The following DCC variants were observed in gnomAD, a reference collection of about 807,000 sequenced individuals.
DCC encodes netrin receptor DCC.
Under a neutral mutation model 172.5 loss-of-function variants are expected in DCC, and 58 were observed. The ratio of observed to expected loss-of-function variants is 0.34; its 90% CI spans 0.27 to 0.42. DCC has a LOEUF of 0.42. Ranked by LOEUF, DCC falls within the 10% of genes least tolerant of loss-of-function variation. DCC has a pLI of 1.00. For missense variants in DCC, 1,740 were observed against 1,791.0 expected (o/e 0.97, Z 0.51); for synonymous variants, 709 against 644.5 (o/e 1.10, Z -1.52).
chr18:52,621,145 C>A (rs1271937961), intron 1 of DCC, among the ~76,000 whole-genome samples: 1 of 152,232 alleles, frequency 6.6e-6, no homozygotes, highest in Admixed American at 6.5e-5. Context: ...TCAACATTAA[C>A]TACCACTGCT....
intron 5 of DCC, among the ~76,000 whole-genome samples, chr18:52,994,079 G>A (rs1268191203): frequency 6.6e-6 from 1 of 152,066 alleles, no homozygotes; most frequent in African/African-American, 2.4e-5. Flanking sequence ...GGTAAGAGTA[G>A]CCACTATGTC....
At chr18:53,189,658 A>T (rs2144508140) in intron 9 of DCC, among the ~76,000 whole-genome samples, 1 of 152,296 alleles carries the variant, frequency 6.6e-6, no homozygotes, top group Admixed American at 6.5e-5. Flanking sequence ...CTATGCTCTT[A>T]CCTTCTTCAT....
chr18:52,742,777 G>A (rs1447593367), intron 1 of DCC, among the ~76,000 whole-genome samples: 2 of 152,124 alleles, frequency 1.3e-5, no homozygotes, highest in Non-Finnish European at 2.9e-5. Context: ...TAGTATGAAT[G>A]AGTTCCCCTT....
chr18:52,444,820 C>T (rs1033523220), intron 1 of DCC, among the ~76,000 whole-genome samples: 3 of 151,926 alleles, frequency 2.0e-5, no homozygotes, highest in African/African-American at 4.8e-5. Flanking sequence ...AGAGAGAGAG[C>T]GCTTGACTAC....
At chr18:52,968,297 G>C (rs1411692191) in intron 5 of DCC, among the ~76,000 whole-genome samples, 1 of 152,114 alleles carries the variant, frequency 6.6e-6, no homozygotes, top group Non-Finnish European at 1.5e-5. Flanking sequence ...CTAATAGTGA[G>C]GGTGTTGAAG....
At chr18:53,195,272 AC>A (rs2055426693) in intron 9 of DCC, among the ~76,000 whole-genome samples, 1 of 152,224 alleles carries the variant, frequency 6.6e-6, no homozygotes, top group Non-Finnish European at 1.5e-5. Context: ...AAAGGCCTTG[AC>A]AATTCATTTG....
intron 1 of DCC, among the ~76,000 whole-genome samples, chr18:52,421,165 G>C (rs1451214254): frequency 6.6e-6 from 1 of 152,164 alleles, no homozygotes; most frequent in East Asian, 1.9e-4. Context: ...ATGTTCTTAT[G>C]AGCCCCTGTA....
intron 5 of DCC, among the ~76,000 whole-genome samples, chr18:52,983,999 C>A (rs377045759): frequency 1.3e-5 from 2 of 152,070 alleles, no homozygotes; most frequent in African/African-American, 4.8e-5. Flanking sequence ...TTCAGAAAGT[C>A]CTTGTGTTGA....
intron 1 of DCC, among the ~76,000 whole-genome samples, chr18:52,497,196 G>A (rs891477555): frequency 1.4e-5 from 2 of 147,276 alleles, no homozygotes; most frequent in Non-Finnish European, 1.5e-5. Context: ...AGGAATTTGA[G>A]GCTGCAGTTA....
intron 1 of DCC, among the ~76,000 whole-genome samples, chr18:52,585,545 T>A (rs2033649207): frequency 6.6e-6 from 1 of 152,154 alleles, no homozygotes; most frequent in African/African-American, 2.4e-5. Flanking sequence ...TTAGATTGGT[T>A]TCCAGTCAGG....
intron 1 of DCC, among the ~76,000 whole-genome samples, chr18:52,582,397 T>C (rs1481420777): frequency 6.6e-6 from 1 of 152,214 alleles, no homozygotes; most frequent in African/African-American, 2.4e-5. Flanking sequence ...TGAGGCTTAA[T>C]GGCATTTAGC....
intron 1 of DCC, among the ~76,000 whole-genome samples, chr18:52,404,807 C>A (rs1045089041): frequency 8.8e-6 from 1 of 113,082 alleles, no homozygotes; most frequent in African/African-American, 3.4e-5. Flanking sequence ...TGCTATCCCT[C>A]CCCCCTCCCC....
chr18:52,865,136 A>G (rs1434202415), intron 2 of DCC, among the ~76,000 whole-genome samples: 1 of 152,076 alleles, frequency 6.6e-6, no homozygotes, highest in Non-Finnish European at 1.5e-5. Context: ...AAGTGCTGGG[A>G]TTACAGGTGT....
chr18:53,352,861 T>G (rs982002679), intron 15 of DCC, among the ~76,000 whole-genome samples: 1 of 152,178 alleles, frequency 6.6e-6, no homozygotes, highest in African/African-American at 2.4e-5. Flanking sequence ...ATTTAATATT[T>G]TTAATCATTC....
At chr18:52,801,764 G>A (rs892696817) in intron 2 of DCC, among the ~76,000 whole-genome samples, 3 of 152,180 alleles carry the variant, frequency 2.0e-5, no homozygotes, top group Non-Finnish European at 4.4e-5. Context: ...GGAACTGTTT[G>A]TAAAATGCTG....
intron 8 of DCC, among the ~76,000 whole-genome samples, chr18:53,176,571 T>C (rs1389490046): frequency 6.6e-6 from 1 of 151,816 alleles, no homozygotes; most frequent in Non-Finnish European, 1.5e-5. Flanking sequence ...AAAAAACACA[T>C]GAAAAAATGC....
At chr18:52,811,711 G>T (rs1378424007) in intron 2 of DCC, among the ~76,000 whole-genome samples, 1 of 152,056 alleles carries the variant, frequency 6.6e-6, no homozygotes, top group African/African-American at 2.4e-5. Flanking sequence ...ATGCTTTGTA[G>T]CTTTTCATTA....
chr18:52,497,180 G>T (rs1240884818), intron 1 of DCC, among the ~76,000 whole-genome samples: 1 of 148,894 alleles, frequency 6.7e-6, no homozygotes, highest in Non-Finnish European at 1.5e-5. Context: ...AGGAGCTCTT[G>T]AGCCCAGGAA....
intron 1 of DCC, among the ~76,000 whole-genome samples, chr18:52,456,989 ATTGAAGTG>A (rs1988478227): frequency 6.6e-6 from 1 of 151,882 alleles, no homozygotes; most frequent in Non-Finnish European, 1.5e-5. Flanking sequence ...TCTGGTTTGT[ATTGAAGTG>A]AATAGAATCC....
Sources: allele counts gnomAD v4.1 joint callset (sites outside exome capture counted in the v4.1 genomes callset), GRCh38; gene constraint gnomAD v4.1.1; transcripts MANE v1.5; gene names NCBI Gene and HGNC (gene_info 2026-07-23, HGNC 2026-07-21).